LPL: variants seen among roughly 807,000 people sequenced by gnomAD.
LPL encodes phospholipase A1.
LPL carries 43 observed loss-of-function variants against 52.2 expected under a neutral mutation model. The observed-to-expected ratio is 0.82, with a 90% CI of 0.64 to 1.06. The LOEUF (loss-of-function observed/expected upper bound fraction) is 1.06. Ranked by LOEUF, LPL falls within the 50% of genes least tolerant of loss-of-function variation. The pLI is 0.00. For synonymous variants in LPL, 244 were observed against 215.6 expected (o/e 1.13, Z -1.15); for missense variants, 639 against 585.3 (o/e 1.09, Z -0.95).
Position 19,954,152 on chromosome 8 carries a change from G to C in LPL, c.574G>C (p.Ala192Pro), listed in dbSNP as rs1455481950. Residue 192 changes from alanine to proline, a missense_variant, in exon 5 of 10, where the codon GCA (alanine) becomes CCA (proline). Physicochemically the swap from Ala to Pro is conservative, Grantham distance 27. Coordinates refer to ENST00000650287, the MANE Select transcript of LPL (RefSeq NM_000237.3). ...LDPAGPNFEY[A>P]EAPSRLSPDD... ...TCCAGCTGGACCTAACTTTGAGTAT[G>C]CAGAAGCCCCGAGTCGTCTTTCTCC... 1 of 1,614,042 alleles carries C rather than the reference G, an allele frequency of 6.2e-7. No homozygotes were observed. Among genetic ancestry groups the C allele is most frequent in the African/African-American group, 1.3e-5 (1 of 74,922 alleles).
chr8:19,940,531 G>C (rs2128835405), intron 1 of LPL, among the ~76,000 whole-genome samples: 1 of 152,376 alleles, frequency 6.6e-6, no homozygotes, highest in South Asian at 2.1e-4. Context: ...TGTCCGCAAT[G>C]GAGGCAGCCT....
intron 3 of LPL, 51 bp downstream of exon 3, chr8:19,951,999 G>C (rs2069938957): frequency 1.9e-6 from 3 of 1,599,954 alleles, no homozygotes; most frequent in South Asian, 1.1e-5. Context: ...TTTTTGACTG[G>C]AGCCAGAAAA....
chr8:19,953,286 C>A, intron 3 of LPL, 24 bp from the exon 4 acceptor site: 1 of 1,437,370 alleles, frequency 7.0e-7, no homozygotes, highest in African/African-American at 1.4e-5. Flanking sequence ...CTGTAAGCAC[C>A]TTCATTTTCT....
intron 9 of LPL, among the ~76,000 whole-genome samples, chr8:19,963,857 T>C (rs1342404854): frequency 6.6e-6 from 1 of 152,168 alleles, no homozygotes; most frequent in East Asian, 1.9e-4. Context: ...TCTAAGAGGT[T>C]ATTACGTTGT....
chr8:19,962,213 C>A lies in LPL; in HGVS notation c.1421C>A (p.Ser474Ter), dbSNP rs328. ...KCHDKSLNKK[S>*]G The stretch of plus-strand genomic sequence containing the variant: ...CATGACAAGTCTCTGAATAAGAAGT[C>A]AGGCTGGTGAGCATTCTGGGCTAAA... The change falls in exon 9 of 10, where the codon TCA (serine) becomes TAA (stop). Residue 474 changes from serine to a stop codon, truncating the protein, a stop_gained. Transcript: ENST00000650287. LOFTEE classifies it high-confidence loss of function. The A allele has an allele frequency of 1.9e-6, 3 of 1,613,022 alleles. No homozygotes were observed. Among genetic ancestry groups the A allele is most frequent in the South Asian group, 1.1e-5 (1 of 90,986 alleles).
intron 3 of LPL, among the ~76,000 whole-genome samples, chr8:19,952,758 C>T (rs1210685678): frequency 1.3e-5 from 2 of 152,158 alleles, no homozygotes; most frequent in African/African-American, 4.8e-5. Context: ...GGACCATGTA[C>T]CTCTGGTCCC....
intron 9 of LPL, among the ~76,000 whole-genome samples, chr8:19,963,164 T>C (rs536156264): frequency 3.3e-5 from 5 of 152,162 alleles, no homozygotes; most frequent in African/African-American, 7.2e-5. Context: ...AGAATAAGAA[T>C]TGCCTTCATG....
At chr8:19,953,797 CA>C (rs2069958323) in intron 4 of LPL, among the ~76,000 whole-genome samples, 1 of 152,166 alleles carries the variant, frequency 6.6e-6, no homozygotes, top group Middle Eastern at 3.2e-3. Flanking sequence ...GTCATCTAGG[CA>C]AAGGTGTGGC....
chr8:19,943,143 T>C (rs1407887683), intron 1 of LPL, among the ~76,000 whole-genome samples: 1 of 152,224 alleles, frequency 6.6e-6, no homozygotes, highest in Non-Finnish European at 1.5e-5. Flanking sequence ...CTCATCTGTA[T>C]TTTCGTAAAT....
intron 1 of LPL, among the ~76,000 whole-genome samples, chr8:19,943,365 T>C (rs2069856496): frequency 6.6e-6 from 1 of 152,148 alleles, no homozygotes. Flanking sequence ...ATCAATAATG[T>C]ACCTTTGAAA....
At chr8:19,963,667 T>C (rs907925039) in intron 9 of LPL, among the ~76,000 whole-genome samples, 2 of 152,148 alleles carry the variant, frequency 1.3e-5, no homozygotes, top group African/African-American at 2.4e-5. Flanking sequence ...ATAATATTTA[T>C]ATGTTTTTCG....
intron 1 of LPL, among the ~76,000 whole-genome samples, chr8:19,941,947 T>C (rs1487655153): frequency 6.6e-6 from 1 of 152,124 alleles, no homozygotes; most frequent in Non-Finnish European, 1.5e-5. Flanking sequence ...AGGGAGAGTA[T>C]GGTCAGTGCT....
In LPL at chr8:19,960,902, C is replaced by T. The variant is rs1384570061; in HGVS notation, c.1141C>T (p.Pro381Ser). Residue 381 changes from proline (P) to serine (S), a missense_variant and splice_region_variant, in exon 8 of 10, where the codon CCT (proline) becomes TCT (serine). Physicochemically the swap from Pro to Ser is moderately conservative, Grantham distance 74 (BLOSUM62 -1). Transcript: ENST00000650287. ...CAAATTTATTGCTTTTTTGTTTAGG[C>T]CTGAAGTTTCCACAAATAAGACCTA... ...AESENIPFTLPEVSTNKTYSF... is the reference protein window; with the variant it reads ...AESENIPFTLSEVSTNKTYSF... The T allele has an allele frequency of 6.2e-7, 1 of 1,612,790 alleles. No individual in the cohort carries two copies. The highest frequency in any genetic ancestry group is 8.5e-7 in the Non-Finnish European group (1 of 1,179,500).
intron 1 of LPL, among the ~76,000 whole-genome samples, chr8:19,941,900 T>C (rs1387501524): frequency 6.6e-6 from 1 of 152,172 alleles, no homozygotes; most frequent in Non-Finnish European, 1.5e-5. Context: ...CCACCATCTC[T>C]GCATGGCCCC....
chr8:19,941,936 G>C (rs1488452658), intron 1 of LPL, among the ~76,000 whole-genome samples: 1 of 152,218 alleles, frequency 6.6e-6, no homozygotes, highest in African/African-American at 2.4e-5. Flanking sequence ...AGAGCTAGGA[G>C]AGGGAGAGTA....
chr8:19,947,548 G>T (rs2069891833), intron 1 of LPL, among the ~76,000 whole-genome samples: 1 of 152,068 alleles, frequency 6.6e-6, no homozygotes, highest in Non-Finnish European at 1.5e-5. Context: ...TGAGGTGGGA[G>T]GATCACTTGA....
intron 1 of LPL, among the ~76,000 whole-genome samples, chr8:19,943,739 G>A (rs1463553145): frequency 2.0e-5 from 3 of 152,082 alleles, no homozygotes; most frequent in Non-Finnish European, 2.9e-5. Flanking sequence ...TCATTCAGTG[G>A]GGCAATTTTA....
rs2069920609 is a variant in LPL at position 19,950,180 on chromosome 8, AACTC to A, written c.250-1585_250-1582del. On this transcript the variant is annotated intron_variant, in intron 2 of 9. Transcript: ENST00000650287. The surrounding 1 kb of genome is among the most constrained non-coding windows in gnomAD (Gnocchi z 4.2). ...CACACTGATCTTGATTATCTCAGTG[AACTC>A]ACTGGCAGGGTCAGGTGGCCCACCT... 6.6e-6 allele frequency among the ~76,000 whole-genome samples: 1 copy of A among 152,216 alleles called. No homozygotes were observed. Among genetic ancestry groups the A allele is most frequent in the South Asian group, 2.1e-4 (1 of 4,832 alleles).
At chr8:19,962,954 T>C (rs1039261632) in intron 9 of LPL, among the ~76,000 whole-genome samples, 2 of 152,156 alleles carry the variant, frequency 1.3e-5, no homozygotes, top group African/African-American at 2.4e-5. Flanking sequence ...AATATGCCCT[T>C]TTCAACCCTC....
Sources: allele counts gnomAD v4.1 joint callset (sites outside exome capture counted in the v4.1 genomes callset), GRCh38; gene constraint gnomAD v4.1.1; non-coding constraint Gnocchi (gnomAD v3.1); transcripts MANE v1.5; gene names NCBI Gene and HGNC (gene_info 2026-07-23, HGNC 2026-07-21).